The following FNDC3A variants were observed in gnomAD, a reference collection of about 807,000 sequenced individuals.
FNDC3A encodes fibronectin type III domain containing 3A.
Under a neutral mutation model 148.9 loss-of-function variants are expected in FNDC3A, and 32 were observed. The observed-to-expected ratio is 0.21, with a 90% CI of 0.16 to 0.29. FNDC3A has a LOEUF of 0.29. FNDC3A is among the 10% of genes least tolerant of loss of function. The probability of loss-of-function intolerance (pLI) is 1.00; values close to 1 mark genes in which losing one functional copy is unlikely to be tolerated. For synonymous variants in FNDC3A, 472 were observed against 473.6 expected, an observed-to-expected ratio of 1.00 and a Z score of 0.04; for missense variants, 1,191 against 1,452.8, an observed-to-expected ratio of 0.82 and a Z score of 2.93.
chr13:49,206,025 C>CAACTA (rs1157207071), intron 25 of FNDC3A, among the ~76,000 whole-genome samples: 1 of 152,104 alleles, frequency 6.6e-6, no homozygotes, highest in Non-Finnish European at 1.5e-5. Flanking sequence ...TGTAGCCCAC[C>CAACTA]AACTAACTGG....
chr13:49,167,231 CT>C lies in FNDC3A; in HGVS notation c.978-7del. ...TATTTATCAGACATGATATATTACC[CT>C]TTTTTCCCCAGAGGAGAAGAAACAA... is the stretch of plus-strand genomic sequence containing the variant. On this transcript the variant is annotated splice_polypyrimidine_tract_variant and intron_variant, in intron 8 of 25. Coordinates refer to ENST00000492622, the MANE Select transcript of FNDC3A (RefSeq NM_001079673.2). The C allele has an allele frequency of 7.0e-6, 11 of 1,566,356 alleles. No homozygotes were observed. The highest frequency in any genetic ancestry group is 1.2e-5 in the South Asian group (1 of 86,780).
intron 2 of FNDC3A, among the ~76,000 whole-genome samples, chr13:49,035,821 ATGC>A (rs1339481951): frequency 2.6e-5 from 4 of 152,100 alleles, no homozygotes; most frequent in African/African-American, 7.2e-5. Flanking sequence ...GTTTGTCTAT[ATGC>A]TGGTATCAAG....
At chr13:49,075,754 CTA>C (rs1227114115) in intron 3 of FNDC3A, among the ~76,000 whole-genome samples, 3 of 151,738 alleles carry the variant, frequency 2.0e-5, no homozygotes, top group Non-Finnish European at 4.4e-5. Context: ...CTATCTTGTA[CTA>C]TGTGTTCTGT....
At chr13:48,991,902 A>G (rs574921231) in intron 1 of FNDC3A, among the ~76,000 whole-genome samples, 5 of 152,312 alleles carry the variant, frequency 3.3e-5, no homozygotes, top group Admixed American at 2.0e-4. Context: ...CAACACTTAC[A>G]TTATCATATG....
At chr13:49,191,881 A>T in intron 19 of FNDC3A, among the ~76,000 whole-genome samples, 1 of 152,192 alleles carries the variant, frequency 6.6e-6, no homozygotes, top group East Asian at 1.9e-4. Context: ...TTGAAATATT[A>T]TCTATGTATT....
chr13:49,131,225 C>A lies in FNDC3A; in HGVS notation c.341C>A (p.Ser114Tyr). ...GGTAGTCACACAGTTCTCCACCGTT[C>A]TCCACATCCTCCTCTACCTGGTTTC... ...HPGSHTVLHR[S>Y]PHPPLPGFIP... is the part of the protein sequence containing the mutation. Residue 114 changes from serine (S) to tyrosine (Y), a missense_variant, in exon 5 of 26, where the codon TCT (serine) becomes TAT (tyrosine). Coordinates refer to ENST00000492622, the MANE Select transcript of FNDC3A (RefSeq NM_001079673.2). 6.2e-7 allele frequency: 1 copy of A among 1,614,124 alleles called. No homozygotes were observed. The highest frequency in any genetic ancestry group is 8.5e-7 in the Non-Finnish European group (1 of 1,179,992).
chr13:49,188,658 T>G, intron 17 of FNDC3A, 25 bp downstream of exon 17: 1 of 1,506,006 alleles, frequency 6.6e-7, no homozygotes, highest in Non-Finnish European at 9.2e-7. Context: ...TAGATTCTTT[T>G]GTGTTGTTAT....
chr13:49,187,546 C>T, intron 16 of FNDC3A: 1 of 1,610,620 alleles, frequency 6.2e-7, no homozygotes, highest in East Asian at 2.2e-5. Context: ...AAAGTACAAA[C>T]ACATCTTAGC....
intron 2 of FNDC3A, among the ~76,000 whole-genome samples, chr13:49,049,701 C>A (rs1875685664): frequency 1.0e-5 from 1 of 96,450 alleles, no homozygotes; most frequent in South Asian, 2.9e-4. Context: ...CTTCTCTCTT[C>A]TCTTCTTTTC....
chr13:49,114,199 C>G (rs1247079585), intron 3 of FNDC3A, among the ~76,000 whole-genome samples: 1 of 151,968 alleles, frequency 6.6e-6, no homozygotes, highest in African/African-American at 2.4e-5. Context: ...TTTATTTTGT[C>G]CCTGTAACTT....
Position 49,110,292 on chromosome 13 carries a change from C to A in FNDC3A, c.176-4363C>A, listed in dbSNP as rs1158065386. The A allele has an allele frequency of 6.8e-4, 1,028 of 1,514,484 alleles. 2 individuals carry two copies. Among genetic ancestry groups the A allele is most frequent in the Non-Finnish European group, 8.8e-4 (990 of 1,124,940 alleles). 93.8% of individuals were successfully genotyped at this position (1,514,484 alleles called of 1,614,324 possible). ...TCGGTCAAAGGATCTTTTCCTCTTA[C>A]AGCCTTGCAAAAAAAAAAAAAGCCG... On this transcript the variant is annotated intron_variant, in intron 3 of 25. Transcript: ENST00000492622.
rs532600211 is a variant in FNDC3A at position 49,152,765 on chromosome 13, G to A, written c.977+6830G>A. ...TTCCCACCTATGAGTGAGAATATGC[G>A]GTGTTTGGTTTTTTGTTCTTGCGAT... is the stretch of plus-strand genomic sequence containing the variant. On this transcript the variant is annotated intron_variant, in intron 8 of 25. Transcript: ENST00000492622. Among the ~76,000 whole-genome samples, 5 of 150,494 alleles carry A rather than the reference G, an allele frequency of 3.3e-5. No homozygotes were observed. The South Asian group carries it at 6.3e-4, about 19-fold the overall frequency.
At chr13:49,141,911 A>G (rs1350968161) in intron 7 of FNDC3A, among the ~76,000 whole-genome samples, 1 of 152,164 alleles carries the variant, frequency 6.6e-6, no homozygotes, top group African/African-American at 2.4e-5. Context: ...ATCATTGAGT[A>G]GTAGGAAAAT....
intron 3 of FNDC3A, among the ~76,000 whole-genome samples, chr13:49,093,060 T>G (rs534576700): frequency 1.8e-4 from 28 of 152,296 alleles, no homozygotes; most frequent in African/African-American, 6.5e-4. Context: ...TAAAGAATAA[T>G]TTTTACCTGC....
intron 1 of FNDC3A, among the ~76,000 whole-genome samples, chr13:48,986,666 G>C (rs1010753406): frequency 7.2e-5 from 11 of 152,018 alleles, no homozygotes; most frequent in African/African-American, 2.7e-4. Flanking sequence ...AAAGTGCTGG[G>C]ATTACAGGCG....
chr13:49,167,418 A>G (rs1390412089), intron 9 of FNDC3A, 115 bp downstream of exon 9: 2 of 646,390 alleles, frequency 3.1e-6, no homozygotes, highest in Non-Finnish European at 5.0e-6. Context: ...TGGATTAAAA[A>G]CAGACTTTGT....
chr13:49,185,855 T>A (rs1566314130), intron 14 of FNDC3A, 109 bp from the exon 15 acceptor site: 1 of 807,998 alleles, frequency 1.2e-6, no homozygotes, highest in Non-Finnish European at 2.0e-6. Context: ...CTAAAAAAAA[T>A]GTATTTTATC....
chr13:49,026,411 T>C (rs1873718442), intron 2 of FNDC3A, among the ~76,000 whole-genome samples: 1 of 152,268 alleles, frequency 6.6e-6, no homozygotes, highest in Non-Finnish European at 1.5e-5. Context: ...CTGTCTACTT[T>C]TCTGTATGTT....
At chr13:49,032,851 C>T (rs970073223) in intron 2 of FNDC3A, among the ~76,000 whole-genome samples, 3 of 151,986 alleles carry the variant, frequency 2.0e-5, no homozygotes, top group Non-Finnish European at 2.9e-5. Context: ...AATTATAACT[C>T]TTTACAGGGT....
Sources: allele counts gnomAD v4.1 joint callset (sites outside exome capture counted in the v4.1 genomes callset), GRCh38; gene constraint gnomAD v4.1.1; transcripts MANE v1.5; gene names NCBI Gene and HGNC (gene_info 2026-07-23, HGNC 2026-07-21).